The following LGR4 variants were observed in gnomAD, a reference collection of about 807,000 sequenced individuals.
LGR4 encodes leucine rich repeat containing G protein-coupled receptor 4.
Under a neutral mutation model 84.8 loss-of-function variants are expected in LGR4, and 44 were observed. That is an observed-to-expected ratio of 0.52 (90% CI 0.41 to 0.67). The LOEUF (loss-of-function observed/expected upper bound fraction) is 0.67, where lower values mean the gene tolerates loss of function less well. Ranked by LOEUF, LGR4 falls within the 30% of genes least tolerant of loss-of-function variation. The pLI, the probability that LGR4 is intolerant of heterozygous loss-of-function variation, is 0.00. For synonymous variants in LGR4, 429 were observed against 434.3 expected, an observed-to-expected ratio of 0.99 and a Z score of 0.15; for missense variants, 1,032 against 1,131.4, an observed-to-expected ratio of 0.91 and a Z score of 1.26.
chr11:27,385,331 T>TG lies in LGR4; in HGVS notation c.538dup (p.Gln180ProfsTer15). The TG allele has an allele frequency of 1.2e-6, 2 of 1,611,294 alleles. No homozygotes were observed. The highest frequency in any genetic ancestry group is 1.7e-6 in the Non-Finnish European group (2 of 1,178,968). On this transcript the variant is annotated frameshift_variant, in exon 5 of 18. Coordinates refer to ENST00000379214, the MANE Select transcript of LGR4 (RefSeq NM_018490.5). LOFTEE classifies it high-confidence loss of function. ...CTTGTTGAGAGCCAGGGTCAGCGCC[T>TG]GTAGGGTGGGCAGATTGCTGAGGGG...
At chr11:27,459,002 A>T (rs1449690812) in intron 1 of LGR4, among the ~76,000 whole-genome samples, 1 of 152,224 alleles carries the variant, frequency 6.6e-6, no homozygotes, top group African/African-American at 2.4e-5. Context: ...ACTTTTAAAA[A>T]TTTAACCTTA....
intron 1 of LGR4, among the ~76,000 whole-genome samples, chr11:27,445,937 C>T (rs577866712): frequency 6.6e-6 from 1 of 151,962 alleles, no homozygotes; most frequent in African/African-American, 2.4e-5. Flanking sequence ...TAAACTTTGG[C>T]TAAGCAAGTT....
In LGR4 at chr11:27,376,380, A is replaced by AAAAGAAGAAG; in HGVS notation, c.1110-20_1110-11dup. ...ATTACGCTGTAAAGAACTAAATAAA[A>AAAAGAAGAAG]AAAGAAGAAGAAAGAAGACGAAGAC... On this transcript the variant is annotated splice_polypyrimidine_tract_variant and intron_variant, in intron 12 of 17. Transcript: ENST00000379214. 1 of 1,430,054 alleles carries AAAAGAAGAAG rather than the reference A, an allele frequency of 7.0e-7. No individual in the cohort carries two copies. Among genetic ancestry groups the AAAAGAAGAAG allele is most frequent in the Non-Finnish European group, 9.7e-7 (1 of 1,033,932 alleles). 88.6% of individuals were successfully genotyped at this position (1,430,054 alleles called of 1,614,324 possible).
intron 1 of LGR4, among the ~76,000 whole-genome samples, chr11:27,419,627 AAT>A (rs1863887926): frequency 6.8e-6 from 1 of 147,536 alleles, no homozygotes; most frequent in African/African-American, 2.5e-5. Context: ...AATATATAAT[AAT>A]ATATATAATT....
chr11:27,463,333 G>A (rs1471233715), intron 1 of LGR4, among the ~76,000 whole-genome samples: 1 of 151,890 alleles, frequency 6.6e-6, no homozygotes, highest in Non-Finnish European at 1.5e-5. Flanking sequence ...CTTGGAGAAC[G>A]GAAGGCCAAC....
At chr11:27,409,915 C>T (rs149702179) in intron 2 of LGR4, among the ~76,000 whole-genome samples, 9 of 152,118 alleles carry the variant, frequency 5.9e-5, no homozygotes, top group East Asian at 1.9e-4. Context: ...CCTGCACACA[C>T]GTCTTCACTA....
chr11:27,389,945 A>C (rs551238632), intron 4 of LGR4, among the ~76,000 whole-genome samples: 1 of 152,184 alleles, frequency 6.6e-6, no homozygotes, highest in Non-Finnish European at 1.5e-5. Flanking sequence ...AAGCTACTTA[A>C]TACAACCACC....
chr11:27,439,376 T>C (rs1864262712), intron 1 of LGR4, among the ~76,000 whole-genome samples: 1 of 152,364 alleles, frequency 6.6e-6, no homozygotes, highest in South Asian at 2.1e-4. Flanking sequence ...TCATCCATTT[T>C]GTAGCATGTG....
chr11:27,367,275 A>G lies in LGR4; in HGVS notation c.*592T>C, dbSNP rs1231596443. 3 of 152,542 alleles carry G rather than the reference A, an allele frequency of 2.0e-5. No individual in the cohort carries two copies. The highest frequency in any genetic ancestry group is 4.4e-5 in the Non-Finnish European group (3 of 68,022). The allele number at this position is 152,542 out of a possible 1,614,324, so 9.4% of individuals were successfully genotyped here. On this transcript the variant is annotated 3_prime_UTR_variant, in exon 18 of 18. Coordinates refer to ENST00000379214, the MANE Select transcript of LGR4 (RefSeq NM_018490.5). The stretch of plus-strand genomic sequence containing the variant: ...TTAATATTGTTTTAAAAACATCTTC[A>G]GGTTTTAGATTTATAAATTGCTTAA...
chr11:27,434,738 C>A (rs1864178030), intron 1 of LGR4, among the ~76,000 whole-genome samples: 1 of 152,024 alleles, frequency 6.6e-6, no homozygotes, highest in African/African-American at 2.4e-5. Flanking sequence ...CCTGAAATAC[C>A]ACACAACTGG....
At chr11:27,424,066 CTGG>C (rs969255344) in intron 1 of LGR4, among the ~76,000 whole-genome samples, 1 of 152,160 alleles carries the variant, frequency 6.6e-6, no homozygotes, top group African/African-American at 2.4e-5. Flanking sequence ...TGCAGTTGAT[CTGG>C]TGTTTTATTG....
At chr11:27,462,456 TAA>T (rs763091667) in intron 1 of LGR4, among the ~76,000 whole-genome samples, 7 of 152,224 alleles carry the variant, frequency 4.6e-5, no homozygotes, top group Non-Finnish European at 8.8e-5. Context: ...GGTATCTTTA[TAA>T]AATCAGATGT....
chr11:27,468,546 AT>A (rs1264795635), intron 1 of LGR4, among the ~76,000 whole-genome samples: 2 of 152,182 alleles, frequency 1.3e-5, no homozygotes, highest in Non-Finnish European at 2.9e-5. Context: ...CTCCTGGGAT[AT>A]TTTTATGAGA....
rs1259900314 is a variant in LGR4 at position 27,374,042 on chromosome 11, G to C, written c.1186C>G (p.Leu396Val). ...ATTTCATGTATCAGGTTTCTACTCA[G>C]ATCTCTGCAATTATAAGAGTAACAT... is the stretch of plus-strand genomic sequence containing the variant. ...QGLISLRILDLSRNLIHEIHS... is the reference protein window; with the variant it reads ...QGLISLRILDVSRNLIHEIHS... Residue 396 changes from leucine (L) to valine (V), a missense_variant, in exon 14 of 18, where the codon CTG becomes GTG. Physicochemically the swap from Leu to Val is conservative, Grantham distance 32. Coordinates refer to ENST00000379214, the MANE Select transcript of LGR4 (RefSeq NM_018490.5). 2 of 1,605,946 alleles carry C rather than the reference G, an allele frequency of 1.2e-6. No individual in the cohort carries two copies. Among genetic ancestry groups the C allele is most frequent in the South Asian group, 2.2e-5 (2 of 90,904 alleles).
intron 1 of LGR4, among the ~76,000 whole-genome samples, chr11:27,434,646 G>C (rs1462626132): frequency 6.6e-6 from 1 of 152,154 alleles, no homozygotes; most frequent in East Asian, 1.9e-4. Flanking sequence ...ATCTGTCAAG[G>C]ACACTAGAGA....
chr11:27,425,016 G>A (rs1003330606), intron 1 of LGR4, among the ~76,000 whole-genome samples: 25 of 152,170 alleles, frequency 1.6e-4, no homozygotes, highest in African/African-American at 4.6e-4. Flanking sequence ...CAAAGTTGCT[G>A]GGATTATAGG....
chr11:27,437,805 C>T (rs12417986), intron 1 of LGR4, among the ~76,000 whole-genome samples: 2,119 of 151,904 alleles, frequency 0.014, 122 homozygotes, highest in Admixed American at 0.096. Flanking sequence ...AGTCTGAGAT[C>T]AGCCTGGGTA....
chr11:27,384,549 G>A, intron 5 of LGR4, 142 bp from the exon 6 acceptor site: 3 of 653,134 alleles, frequency 4.6e-6, no homozygotes, highest in Non-Finnish European at 8.1e-6. Flanking sequence ...GTTTTCTGTT[G>A]ACCACAGAAA....
intron 1 of LGR4, among the ~76,000 whole-genome samples, chr11:27,461,124 C>T (rs1309566584): frequency 6.6e-6 from 1 of 151,508 alleles, no homozygotes; most frequent in Admixed American, 6.6e-5. Flanking sequence ...ATATGTAATA[C>T]TTTAAAGAAA....
Sources: gnomAD v4.1 joint callset for allele counts (sites outside exome capture counted in the v4.1 genomes callset) on GRCh38, gnomAD v4.1.1 for gene constraint, MANE v1.5 for transcripts, NCBI Gene and HGNC (gene_info 2026-07-23, HGNC 2026-07-21) for gene names.